Variants in MUC4 observed in about 807,000 individuals in gnomAD.
The protein encoded by MUC4 is mucin 4, cell surface associated, also known as mucin-4.
Under a neutral mutation model 257.9 loss-of-function variants are expected in MUC4, and 202 were observed. That is an observed-to-expected ratio of 0.78 (90% CI 0.70 to 0.88). MUC4 has a LOEUF of 0.88. MUC4 is among the 40% of genes least tolerant of loss of function. The pLI is 0.00. For missense variants in MUC4, 5,976 were observed against 6,513.7 expected, an observed-to-expected ratio of 0.92 and a Z score of 2.84; for synonymous variants, 2,351 against 2,757.1, an observed-to-expected ratio of 0.85 and a Z score of 4.62.
At chr3:195,772,762 C>G (rs1723295688) in intron 4 of MUC4, among the ~76,000 whole-genome samples, 1 of 145,130 alleles carries the variant, frequency 6.9e-6, no homozygotes, top group African/African-American at 2.6e-5. Flanking sequence ...GTGTAGACAC[C>G]CCCTCTCCAT....
chr3:195,767,727 TCAC>T (rs1560264103), intron 7 of MUC4, among the ~76,000 whole-genome samples: 10 of 1,644 alleles, frequency 6.1e-3, no homozygotes, highest in East Asian at 0.056. Context: ...ACCACCACCA[TCAC>T]CACCACCATC....
intron 15 of MUC4, 105 bp downstream of exon 15, chr3:195,761,379 C>G (rs947873293): frequency 3.9e-6 from 4 of 1,027,004 alleles, no homozygotes; most frequent in Non-Finnish European, 6.0e-6. Flanking sequence ...TTCCTCAGAC[C>G]TTAGGGAGGA....
intron 2 of MUC4, 74 bp downstream of exon 2, chr3:195,778,716 C>A: frequency 2.7e-6 from 4 of 1,462,088 alleles, no homozygotes; most frequent in Non-Finnish European, 2.8e-6. Context: ...CACCAGTGTT[C>A]TCAGGTACTC....
intron 1 of MUC4, among the ~76,000 whole-genome samples, chr3:195,798,218 TAC>T (rs923900531): frequency 1.3e-5 from 2 of 152,130 alleles, no homozygotes; most frequent in Admixed American, 6.6e-5. Flanking sequence ...CCAAAAAAAG[TAC>T]ATAAAAATAA....
chr3:195,754,464 C>T, intron 18 of MUC4, 92 bp from the exon 19 acceptor site: 5 of 1,457,172 alleles, frequency 3.4e-6, no homozygotes, highest in South Asian at 2.7e-5. Flanking sequence ...CCTGAGAACC[C>T]GTGGACCCTG....
chr3:195,762,955 G>C lies in MUC4; in HGVS notation c.14254-10C>G, dbSNP rs1361076002. The C allele has an allele frequency of 6.5e-7, 1 of 1,545,896 alleles. No homozygotes were observed. Among genetic ancestry groups the C allele is most frequent in the East Asian group, 2.4e-5 (1 of 41,058 alleles). On this transcript the variant is annotated splice_polypyrimidine_tract_variant and intron_variant, in intron 12 of 24. Transcript: ENST00000463781. ...CAAGGAGCCATTGGACCTGGAAGGA[G>C]ATGGGAGGGGGCCTGAGCCCGACCC... is the stretch of plus-strand genomic sequence containing the variant.
chr3:195,767,693 C>A lies in MUC4; in HGVS notation c.13530-942G>T, dbSNP rs1165942563. 3.4e-3 allele frequency among the ~76,000 whole-genome samples: 4 copies of A among 1,186 alleles called. 1 individual carries two copies. Among genetic ancestry groups the A allele is most frequent in the Admixed American group, 6.2e-3 (1 of 162 alleles). 0.8% of individuals were successfully genotyped at this position (1,186 alleles called of 152,430 possible). Reference sequence around the variant, plus strand: ...ACCATCACCACCATCACTGGCCACCCCCCAAAAAATACCACCATCGGCCAC... The same window carrying A: ...ACCATCACCACCATCACTGGCCACCACCCAAAAAATACCACCATCGGCCAC... On this transcript the variant is annotated intron_variant, in intron 7 of 24. Coordinates refer to ENST00000463781, the MANE Select transcript of MUC4 (RefSeq NM_018406.7).
rs563748278 is a variant in MUC4 at position 195,768,205 on chromosome 3, A to G, written c.13529+817T>C. Among the ~76,000 whole-genome samples the G allele has an allele frequency of 2.6e-5, 4 of 152,284 alleles. No homozygotes were observed. The South Asian group carries it at 8.3e-4, about 32-fold the overall frequency. On this transcript the variant is annotated intron_variant, in intron 7 of 24. Coordinates refer to ENST00000463781, the MANE Select transcript of MUC4 (RefSeq NM_018406.7). The stretch of plus-strand genomic sequence containing the variant: ...ATTCCCCTCCTTTCTCCTTCATAGC[A>G]CACCAAGAAACTAGTGAAAGCAGTG...
intron 1 of MUC4, among the ~76,000 whole-genome samples, chr3:195,803,476 G>T (rs953484736): frequency 6.6e-6 from 1 of 152,130 alleles, no homozygotes; most frequent in East Asian, 1.9e-4. Flanking sequence ...CCGCATCTGC[G>T]CTGGGTCGAG....
intron 21 of MUC4, 58 bp downstream of exon 21, chr3:195,752,315 C>T (rs1560219883): frequency 1.4e-6 from 2 of 1,449,584 alleles, no homozygotes; most frequent in East Asian, 2.3e-5. Flanking sequence ...ATGGTTCCGC[C>T]CTGGCCTGAA....
chr3:195,788,648 G>A lies in MUC4; in HGVS notation c.2932C>T (p.Pro978Ser), dbSNP rs374820402. The A allele has an allele frequency of 6.2e-7, 1 of 1,610,240 alleles. No individual in the cohort carries two copies. The highest frequency in any genetic ancestry group is 8.5e-7 in the Non-Finnish European group (1 of 1,178,154). The stretch of plus-strand genomic sequence containing the variant: ...GATGCCGAGGAAGCGTAGGTGACAG[G>A]AAGAGGGGTGGCGTTGCTGATGAGG... Reference protein sequence around the residue: ...TALISNATPLPVTYASSASTG... With the variant: ...TALISNATPLSVTYASSASTG... The change falls in exon 2 of 25, where the codon CCT (proline) becomes TCT (serine). Residue 978 changes from proline (P) to serine (S), a missense_variant. Pro to Ser is a moderately conservative substitution (Grantham distance 74). Around this residue, in one of 44 missense-constraint regions of MUC4, gnomAD observed 1,583 missense variants for 1,257.4 expected, o/e 1.26. Transcript: ENST00000463781.
In MUC4 at chr3:195,757,169, C is replaced by T. The variant is rs1310552441; in HGVS notation, c.15146G>A (p.Arg5049Lys). 1 of 1,603,388 alleles carries T rather than the reference C, an allele frequency of 6.2e-7. No homozygotes were observed. The highest frequency in any genetic ancestry group is 1.7e-5 in the Admixed American group (1 of 59,856). The part of the protein sequence containing the change: ...ESQCLYNQTS[R>K]VGNSSLEVAG... ...CACCTCCAGGGAGGAGTTGCCCACC[C>T]TGCTGGTCTGATTGTACAAACACTG... The change falls in exon 18 of 25, where the codon AGG becomes AAG. Residue 5049 changes from arginine to lysine, a missense_variant. Arg to Lys is a conservative substitution (Grantham distance 26, BLOSUM62 2). Around this residue, in one of 44 missense-constraint regions of MUC4, gnomAD observed 996 missense variants for 1,137.3 expected, o/e 0.88. Transcript: ENST00000463781. The surrounding 1 kb of genome is among the most constrained non-coding windows in gnomAD (Gnocchi z 4.8).
intron 1 of MUC4, among the ~76,000 whole-genome samples, chr3:195,797,032 C>A (rs2149057048): frequency 1.3e-5 from 2 of 152,278 alleles, no homozygotes; most frequent in Non-Finnish European, 2.9e-5. Context: ...CACTTGAGGC[C>A]GGGAGTTCCA....
Position 195,790,531 on chromosome 3 carries a change from G to A in MUC4, c.1049C>T (p.Ser350Leu). The change falls in exon 2 of 25, where the codon TCA becomes TTA. Residue 350 changes from serine (S) to leucine (L), a missense_variant. Ser to Leu is a moderately radical substitution (Grantham distance 145). This residue lies in a region of MUC4 where 1,583 missense variants were observed against 1,257.4 expected (regional missense o/e 1.26). Coordinates refer to ENST00000463781, the MANE Select transcript of MUC4 (RefSeq NM_018406.7). Reference sequence around the variant, plus strand: ...TCCACTTGGTGAGGATAAAACAGTTGATGTTGTAACCGGTGTGAGGGTGTT... The same window carrying A: ...TCCACTTGGTGAGGATAAAACAGTTAATGTTGTAACCGGTGTGAGGGTGTT... ...TLNTLTPVTT[S>L]TVLSSPSGFN... The A allele has an allele frequency of 1.2e-6, 2 of 1,614,014 alleles. No homozygotes were observed. The highest frequency in any genetic ancestry group is 1.3e-5 in the African/African-American group (1 of 75,056).
chr3:195,797,417 A>G (rs1473593347), intron 1 of MUC4, among the ~76,000 whole-genome samples: 1 of 152,234 alleles, frequency 6.6e-6, no homozygotes, highest in Non-Finnish European at 1.5e-5. Flanking sequence ...CAGCAGATAC[A>G]GGAAAGTTAT....
chr3:195,747,993 G>GCCCACCCGGAGAGCCGGGCCCCGC (rs1715440077), intron 24 of MUC4, among the ~76,000 whole-genome samples: 1 of 83,126 alleles, frequency 1.2e-5, no homozygotes, highest in Non-Finnish European at 3.1e-5. Context: ...GCCCCGCCCC[G>GCCCACCCGGAGAGCCGGGCCCCGC]CCCACCCGGA....
At chr3:195,806,671 C>G (rs868719442) in intron 1 of MUC4, among the ~76,000 whole-genome samples, 1 of 152,150 alleles carries the variant, frequency 6.6e-6, no homozygotes, top group Admixed American at 6.6e-5. Context: ...TTCTTCCCTC[C>G]GTCGGTGGGC....
rs1304775351 is a variant in MUC4, at chr3:195,781,021, G to GGGGTGGC, written c.10552_10558dup (p.Pro3520ArgfsTer32). The GGGGTGGC allele has an allele frequency of 6.6e-7, 1 of 1,523,854 alleles. No homozygotes were observed. The allele number at this position is 1,523,854 out of a possible 1,614,324, so 94.4% of individuals were successfully genotyped here. On this transcript the variant is annotated frameshift_variant, in exon 2 of 25. Coordinates refer to ENST00000463781, the MANE Select transcript of MUC4 (RefSeq NM_018406.7). LOFTEE classifies it high-confidence loss of function. ...TGAGGAAGTGTCGGTGACAGGAAGA[G>GGGGTGGC]GGGTGGCGTGACCGGTGGATGCTGA...
intron 5 of MUC4, chr3:195,770,904 G>C (rs1307803207): frequency 4.4e-6 from 2 of 457,088 alleles, no homozygotes; most frequent in Non-Finnish European, 8.8e-6. Flanking sequence ...TACAATCAAA[G>C]GCTGAATTGT....
Sources: gnomAD v4.1 joint callset for allele counts (sites outside exome capture counted in the v4.1 genomes callset) on GRCh38, gnomAD v4.1.1 for gene constraint, gnomAD v4.1.1 regional missense constraint, Gnocchi (gnomAD v3.1) non-coding constraint, MANE v1.5 for transcripts, NCBI Gene and HGNC (gene_info 2026-07-23, HGNC 2026-07-21) for gene names.